BMPR1B: variants seen among roughly 807,000 people sequenced by gnomAD.
BMPR1B encodes the protein bone morphogenetic protein receptor type 1B.
In BMPR1B, 12 loss-of-function variants were observed where a neutral mutation model predicts 59.1. That is an observed-to-expected ratio of 0.20 (90% CI 0.13 to 0.33). The LOEUF is 0.33. Ranked by LOEUF, BMPR1B falls within the 10% of genes least tolerant of loss-of-function variation. The pLI is 1.00. For synonymous variants in BMPR1B, 237 were observed against 207.3 expected (o/e 1.14, Z -1.23); for missense variants, 550 against 610.9 (o/e 0.90, Z 1.05).
chr4:94,935,167 T>C (rs1370460288), intron 2 of BMPR1B, among the ~76,000 whole-genome samples: 1 of 152,182 alleles, frequency 6.6e-6, no homozygotes, highest in African/African-American at 2.4e-5. Flanking sequence ...AGCTTAAATA[T>C]GCTTCAAGGG....
chr4:95,026,191 C>G (rs1240933931), intron 3 of BMPR1B, among the ~76,000 whole-genome samples: 1 of 98,784 alleles, frequency 1.0e-5, no homozygotes, highest in Non-Finnish European at 2.1e-5. Context: ...GATCGAAGAA[C>G]ATAAATATTA....
intron 10 of BMPR1B, among the ~76,000 whole-genome samples, chr4:95,143,166 A>G (rs542251020): frequency 8.5e-5 from 13 of 152,320 alleles, no homozygotes; most frequent in African/African-American, 3.1e-4. Flanking sequence ...TAACACCTGC[A>G]GTGCACACAC....
chr4:95,032,038 C>T (rs958065114), intron 3 of BMPR1B, among the ~76,000 whole-genome samples: 3 of 152,108 alleles, frequency 2.0e-5, no homozygotes, highest in Non-Finnish European at 4.4e-5. Flanking sequence ...GAGCTCTTTT[C>T]ATTTGGAGAA....
chr4:94,895,880 A>T (rs1727566688), intron 2 of BMPR1B, among the ~76,000 whole-genome samples: 1 of 151,938 alleles, frequency 6.6e-6, no homozygotes, highest in Non-Finnish European at 1.5e-5. Flanking sequence ...GAAACTAACC[A>T]ATGTATGGCT....
At chr4:94,952,625 CTG>C (rs989159635) in intron 2 of BMPR1B, among the ~76,000 whole-genome samples, 3 of 152,094 alleles carry the variant, frequency 2.0e-5, no homozygotes, top group African/African-American at 7.2e-5. Flanking sequence ...GTCTGAGAGA[CTG>C]TTTGTTATGG....
Position 94,795,598 on chromosome 4 carries a change from G to A in BMPR1B, c.-183+37530G>A, listed in dbSNP as rs1425074232. Reference sequence around the variant, plus strand: ...CCTGCCTCAGCCTCCTGAGTGGCTGGGATTATAGGTGTGTACCACCACATC... The same window carrying A: ...CCTGCCTCAGCCTCCTGAGTGGCTGAGATTATAGGTGTGTACCACCACATC... On this transcript the variant is annotated intron_variant, in intron 1 of 12. Coordinates refer to ENST00000515059, the MANE Select transcript of BMPR1B (RefSeq NM_001203.3). Among the ~76,000 whole-genome samples, 5 of 152,052 alleles carry A rather than the reference G, an allele frequency of 3.3e-5. No individual in the cohort carries two copies. The East Asian group carries it at 7.8e-4, about 24-fold the overall frequency.
At chr4:94,991,932 A>G (rs1023272746) in intron 2 of BMPR1B, among the ~76,000 whole-genome samples, 2 of 152,208 alleles carry the variant, frequency 1.3e-5, no homozygotes, top group African/African-American at 4.8e-5. Flanking sequence ...TGCAGTCTTC[A>G]TCTCTCCAGG....
intron 3 of BMPR1B, among the ~76,000 whole-genome samples, chr4:95,047,752 T>G (rs188053053): frequency 1.3e-5 from 2 of 152,344 alleles, no homozygotes; most frequent in East Asian, 3.9e-4. Flanking sequence ...CATTCTACCA[T>G]TGATTTACTT....
intron 1 of BMPR1B, among the ~76,000 whole-genome samples, chr4:94,766,845 G>A (rs1721989333): frequency 6.6e-6 from 1 of 151,768 alleles, no homozygotes; most frequent in African/African-American, 2.4e-5. Context: ...GTGATTTCTG[G>A]CCTTCAGATG....
At chr4:94,819,934 A>G (rs1724144473) in intron 1 of BMPR1B, among the ~76,000 whole-genome samples, 1 of 152,114 alleles carries the variant, frequency 6.6e-6, no homozygotes, top group Non-Finnish European at 1.5e-5. Context: ...TTCCTGCCAA[A>G]ATGAACAGCT....
intron 5 of BMPR1B, 100 bp from the exon 6 acceptor site, chr4:95,115,585 T>G (rs773397183): frequency 1.1e-5 from 11 of 1,004,622 alleles, no homozygotes; most frequent in East Asian, 2.4e-5. Context: ...GTTAGAATTT[T>G]AAATTAGTTC....
intron 2 of BMPR1B, among the ~76,000 whole-genome samples, chr4:94,892,971 G>C (rs1196458699): frequency 6.6e-6 from 1 of 151,986 alleles, no homozygotes; most frequent in Non-Finnish European, 1.5e-5. Context: ...GGGGATATCA[G>C]TCCTGCAGGG....
At chr4:94,839,345 A>G (rs1047475812) in intron 1 of BMPR1B, among the ~76,000 whole-genome samples, 3 of 145,086 alleles carry the variant, frequency 2.1e-5, no homozygotes, top group African/African-American at 7.7e-5. Context: ...GATCTGTCTA[A>G]TGTTGACAGT....
chr4:94,990,849 C>CTT (rs1199151719), intron 2 of BMPR1B, among the ~76,000 whole-genome samples: 2 of 152,184 alleles, frequency 1.3e-5, no homozygotes, highest in African/African-American at 2.4e-5. Flanking sequence ...TTACCCCATC[C>CTT]TTTTTCTTTT....
intron 10 of BMPR1B, among the ~76,000 whole-genome samples, chr4:95,144,017 AC>A (rs1338315845): frequency 7.0e-6 from 1 of 143,730 alleles, no homozygotes; most frequent in East Asian, 2.0e-4. Context: ...TTTTTTTTTT[AC>A]CCCTACAGGG....
chr4:95,024,334 T>G (rs1035403648), intron 3 of BMPR1B, among the ~76,000 whole-genome samples: 1 of 152,224 alleles, frequency 6.6e-6, no homozygotes, highest in Non-Finnish European at 1.5e-5. Flanking sequence ...GGTTAAAATT[T>G]CAGCTGCCAG....
intron 11 of BMPR1B, among the ~76,000 whole-genome samples, chr4:95,151,289 G>C (rs1029255438): frequency 6.6e-6 from 1 of 152,274 alleles, no homozygotes; most frequent in East Asian, 1.9e-4. Flanking sequence ...CTCTGCCTTC[G>C]TCTGTTGTAG....
chr4:94,969,656 A>T (rs1249441078), intron 2 of BMPR1B, among the ~76,000 whole-genome samples: 1 of 152,046 alleles, frequency 6.6e-6, no homozygotes, highest in Non-Finnish European at 1.5e-5. Flanking sequence ...TCTCTGCTTT[A>T]TTTTTCTCCT....
At chr4:94,948,248 C>T (rs1729792821) in intron 2 of BMPR1B, among the ~76,000 whole-genome samples, 4 of 152,152 alleles carry the variant, frequency 2.6e-5, no homozygotes. Flanking sequence ...TTTATCCATA[C>T]CAGGTGGTAA....
Sources: gnomAD v4.1 joint callset for allele counts (sites outside exome capture counted in the v4.1 genomes callset) on GRCh38, gnomAD v4.1.1 for gene constraint, MANE v1.5 for transcripts, NCBI Gene and HGNC (gene_info 2026-07-23, HGNC 2026-07-21) for gene names.